Variants in RAB11FIP4 observed in about 807,000 individuals in gnomAD.
RAB11FIP4 encodes rab11 family-interacting protein 4.
A neutral mutation model predicts 74.3 loss-of-function variants in RAB11FIP4; 23 were observed. The observed-to-expected ratio is 0.31, with a 90% CI of 0.22 to 0.44. The LOEUF (loss-of-function observed/expected upper bound fraction) is 0.44, where lower values mean the gene tolerates loss of function less well. RAB11FIP4 is among the 20% of genes least tolerant of loss of function. The pLI is 1.00. For synonymous variants in RAB11FIP4, 360 were observed against 359.9 expected, an observed-to-expected ratio of 1.00 and a Z score of 0.00; for missense variants, 630 against 863.9, an observed-to-expected ratio of 0.73 and a Z score of 3.39.
At chr17:31,428,907 A>C (rs911628348) in intron 1 of RAB11FIP4, among the ~76,000 whole-genome samples, 16 of 151,960 alleles carry the variant, frequency 1.1e-4, no homozygotes, top group Admixed American at 8.5e-4. Context: ...ATGCCACTGC[A>C]CTCCAGCTTG....
intron 1 of RAB11FIP4, among the ~76,000 whole-genome samples, chr17:31,402,848 A>C (rs1169662628): frequency 1.3e-5 from 2 of 151,546 alleles, no homozygotes; most frequent in South Asian, 2.1e-4. Context: ...GATGGTCTCG[A>C]TCTCCTGACC....
chr17:31,476,158 G>C (rs2071789875), intron 3 of RAB11FIP4, among the ~76,000 whole-genome samples: 1 of 140,362 alleles, frequency 7.1e-6, no homozygotes, highest in South Asian at 2.3e-4. Context: ...TGCAAATAAT[G>C]AGAATCGACT....
chr17:31,492,828 G>A lies in RAB11FIP4; in HGVS notation c.337-24823G>A, dbSNP rs188390924. Among the ~76,000 whole-genome samples, 683 of 150,676 alleles carry A rather than the reference G, an allele frequency of 4.5e-3. 4 individuals carry two copies. The highest frequency in any genetic ancestry group is 0.016 in the African/African-American group (640 of 40,692). Reference sequence around the variant, plus strand: ...GCTCAGAGGGGTCCCGAGCGTCTTGGTGCTTCAGGAGCTGAGCCCCCCTCA... The same window carrying A: ...GCTCAGAGGGGTCCCGAGCGTCTTGATGCTTCAGGAGCTGAGCCCCCCTCA... On this transcript the variant is annotated intron_variant, in intron 3 of 14. Transcript: ENST00000621161.
chr17:31,475,794 G>A (rs57673498), intron 3 of RAB11FIP4, among the ~76,000 whole-genome samples: 8 of 111,354 alleles, frequency 7.2e-5, no homozygotes, highest in Non-Finnish European at 1.1e-4. Flanking sequence ...CTGCATTTTT[G>A]TGTGGTTTTT....
Position 31,502,397 on chromosome 17 carries a change from G to A in RAB11FIP4, c.337-15254G>A, listed in dbSNP as rs571300701. On this transcript the variant is annotated intron_variant, in intron 3 of 14. Coordinates refer to ENST00000621161, the MANE Select transcript of RAB11FIP4 (RefSeq NM_032932.6). The stretch of plus-strand genomic sequence containing the variant: ...AGTTCAAGACCAGCCTGGCCAATAT[G>A]GTGAAACCCCATCTCTACTAAAAAT... Among the ~76,000 whole-genome samples, 119 of 151,062 alleles carry A rather than the reference G, an allele frequency of 7.9e-4. 1 individual carries two copies. Among genetic ancestry groups the A allele is most frequent in the African/African-American group, 2.5e-3 (102 of 41,088 alleles).
intron 1 of RAB11FIP4, among the ~76,000 whole-genome samples, chr17:31,419,287 G>GTT (rs61327359): frequency 0.023 from 3,200 of 137,754 alleles, 113 homozygotes; most frequent in African/African-American, 0.08. Flanking sequence ...GAGTTTTTTT[G>GTT]TTTTTTTTTT....
intron 3 of RAB11FIP4, among the ~76,000 whole-genome samples, chr17:31,452,713 T>A (rs937134935): frequency 6.6e-6 from 1 of 152,144 alleles, no homozygotes; most frequent in African/African-American, 2.4e-5. Flanking sequence ...CAGCAAGTGT[T>A]ATTTGTAGCA....
chr17:31,418,510 C>A (rs2151622594), intron 1 of RAB11FIP4, among the ~76,000 whole-genome samples: 1 of 127,630 alleles, frequency 7.8e-6, no homozygotes, highest in Non-Finnish European at 1.6e-5. Context: ...GTCACTCAGG[C>A]TGGAGTGCAG....
At chr17:31,447,098 C>CA (rs2071473130) in intron 3 of RAB11FIP4, among the ~76,000 whole-genome samples, 1 of 152,194 alleles carries the variant, frequency 6.6e-6, no homozygotes. Flanking sequence ...TCCTGGCTAA[C>CA]ACGGTGAAAC....
At chr17:31,436,423 C>T (rs1162354708) in intron 3 of RAB11FIP4, among the ~76,000 whole-genome samples, 6 of 144,184 alleles carry the variant, frequency 4.2e-5, no homozygotes, top group African/African-American at 7.8e-5. Context: ...AGAGTGGAGC[C>T]GAGGCCTGGG....
chr17:31,457,076 T>A (rs1423161059), intron 3 of RAB11FIP4, among the ~76,000 whole-genome samples: 9 of 152,102 alleles, frequency 5.9e-5, no homozygotes, highest in Non-Finnish European at 1.0e-4. Flanking sequence ...CGGAGGGCTG[T>A]AAGGAGGGAT....
At chr17:31,492,619 T>C (rs1040379305) in intron 3 of RAB11FIP4, among the ~76,000 whole-genome samples, 11 of 152,172 alleles carry the variant, frequency 7.2e-5, no homozygotes, top group African/African-American at 2.7e-4. Context: ...TGCACCCTTA[T>C]CTGTTTTCAT....
chr17:31,455,630 A>T (rs2071571947), intron 3 of RAB11FIP4, among the ~76,000 whole-genome samples: 1 of 79,744 alleles, frequency 1.3e-5, no homozygotes, highest in African/African-American at 7.2e-5. Flanking sequence ...TCCTTTGACC[A>T]CAGGGAGTGG....
intron 3 of RAB11FIP4, among the ~76,000 whole-genome samples, chr17:31,505,657 ATAAT>A (rs1175634733): frequency 1.3e-5 from 1 of 77,994 alleles, no homozygotes; most frequent in Non-Finnish European, 2.9e-5. Flanking sequence ...ATAATATATA[ATAAT>A]TATATAATAC....
At chr17:31,427,161 A>G (rs999782572) in intron 1 of RAB11FIP4, among the ~76,000 whole-genome samples, 2 of 151,928 alleles carry the variant, frequency 1.3e-5, no homozygotes, top group Non-Finnish European at 2.9e-5. Context: ...GGGTTTCTCT[A>G]TGTTGGCCAG....
intron 3 of RAB11FIP4, among the ~76,000 whole-genome samples, chr17:31,445,521 T>G (rs2071442484): frequency 7.4e-6 from 1 of 135,382 alleles, no homozygotes; most frequent in African/African-American, 2.7e-5. Flanking sequence ...TACATTCAAA[T>G]TTTCCCAATT....
chr17:31,524,997 C>A, intron 9 of RAB11FIP4, 93 bp from the exon 10 acceptor site: 1 of 1,485,946 alleles, frequency 6.7e-7, no homozygotes, highest in Non-Finnish European at 9.2e-7. Flanking sequence ...GCCAGTGACT[C>A]AGGGTCTCGG....
intron 3 of RAB11FIP4, among the ~76,000 whole-genome samples, chr17:31,508,180 G>A (rs1044963933): frequency 2.6e-5 from 4 of 152,172 alleles, no homozygotes; most frequent in Non-Finnish European, 5.9e-5. Flanking sequence ...AACGGAAGTG[G>A]CACAGTGGGG....
At chr17:31,452,156 A>G (rs891557866) in intron 3 of RAB11FIP4, among the ~76,000 whole-genome samples, 1 of 151,608 alleles carries the variant, frequency 6.6e-6, no homozygotes, top group Non-Finnish European at 1.5e-5. Context: ...CACAGTCTTG[A>G]TCATCTATGT....
Sources: gnomAD v4.1 joint callset for allele counts (sites outside exome capture counted in the v4.1 genomes callset) on GRCh38, gnomAD v4.1.1 for gene constraint, MANE v1.5 for transcripts, NCBI Gene and HGNC (gene_info 2026-07-23, HGNC 2026-07-21) for gene names.